The following ATP8B4 variants were observed in gnomAD, a reference collection of about 807,000 sequenced individuals.
The protein encoded by ATP8B4 is probable phospholipid-transporting ATPase IM.
Under a neutral mutation model 145.6 loss-of-function variants are expected in ATP8B4, and 133 were observed. That is an observed-to-expected ratio of 0.91 (90% CI 0.79 to 1.05). The LOEUF (loss-of-function observed/expected upper bound fraction) is 1.05, where lower values mean the gene tolerates loss of function less well. Ranked by LOEUF, ATP8B4 falls within the 50% of genes least tolerant of loss-of-function variation. ATP8B4 has a pLI of 0.00. For missense variants in ATP8B4, 1,458 were observed against 1,425.2 expected (o/e 1.02, Z -0.37); for synonymous variants, 507 against 492.9 (o/e 1.03, Z -0.38).
intron 24 of ATP8B4, among the ~76,000 whole-genome samples, chr15:49,878,387 C>T (rs7342629): frequency 0.36 from 54,824 of 151,958 alleles, 10,139 homozygotes; most frequent in Middle Eastern, 0.45. Context: ...ACTACAAAGC[C>T]AGCCAAATGG....
In ATP8B4 at chr15:49,861,422, GTGTC is replaced by G. The variant is rs959890334; in HGVS notation, c.3297+819_3297+822del. Reference sequence around the variant, plus strand: ...AAAAAATGTGTGTGTGTGTGTGTGTGTGTCTGTCTGTCTGTCTGTCTGTCTGTCT... The same window carrying G: ...AAAAAATGTGTGTGTGTGTGTGTGTGTGTCTGTCTGTCTGTCTGTCTGTCT... On this transcript the variant is annotated intron_variant, in intron 27 of 27. Transcript: ENST00000284509. Among the ~76,000 whole-genome samples the G allele has an allele frequency of 1.1e-3, 156 of 148,332 alleles. 1 individual carries two copies. The highest frequency in any genetic ancestry group is 4.8e-3 in the East Asian group (24 of 5,008).
chr15:50,129,966 A>AAAAG lies in ATP8B4; in HGVS notation c.-42-22962_-42-22959dup, dbSNP rs1194219856. ...TGACTCAAAAAAAAAAAAAAAAAAAAAAAGAAAGAAAAGAAAAGAAATTAC... is the reference window on the plus strand; with the variant it reads ...TGACTCAAAAAAAAAAAAAAAAAAAAAAAGAAAGAAAGAAAAGAAAAGAAATTAC... On this transcript the variant is annotated intron_variant, in intron 1 of 3. Transcript: ENST00000558829. 3.9e-3 allele frequency among the ~76,000 whole-genome samples: 516 copies of AAAAG among 133,394 alleles called. 6 individuals are homozygous for AAAAG. The highest frequency in any genetic ancestry group is 8.5e-3 in the East Asian group (35 of 4,114). The allele number at this position is 133,394 out of a possible 152,430, so 87.5% of individuals were successfully genotyped here.
intron 1 of ATP8B4, among the ~76,000 whole-genome samples, chr15:50,114,864 T>C (rs1368355053): frequency 1.3e-5 from 2 of 152,178 alleles, no homozygotes. Flanking sequence ...TCCTACCAAA[T>C]TTGAGAACCA....
At chr15:50,105,150 T>C (rs559348257) in intron 2 of ATP8B4, among the ~76,000 whole-genome samples, 6 of 151,228 alleles carry the variant, frequency 4.0e-5, no homozygotes, top group African/African-American at 1.5e-4. Context: ...TTGGGAACAG[T>C]GTATACTGCT....
In ATP8B4 at chr15:49,973,147, G is replaced by A. The variant is rs191021883; in HGVS notation, c.1035-357C>T. ...GGTCCCCAACCTTTTGGTCACCGGG[G>A]ACCAGTTTTGTGGAGGACGCTTTTC... On this transcript the variant is annotated intron_variant, in intron 12 of 27. Transcript: ENST00000284509. 4.0e-4 allele frequency among the ~76,000 whole-genome samples: 61 copies of A among 152,264 alleles called. No homozygotes were observed. The East Asian group carries it at 0.011, about 27-fold the overall frequency.
At chr15:50,122,767 T>G (rs1033256023), upstream of ATP8B4, among the ~76,000 whole-genome samples, 2 of 151,560 alleles carry the variant, frequency 1.3e-5, no homozygotes, top group African/African-American at 4.9e-5. Context: ...CCCACTTGAA[T>G]CTCCTAAAGT....
intron 1 of ATP8B4, among the ~76,000 whole-genome samples, chr15:50,166,315 T>C (rs966459680): frequency 6.6e-6 from 1 of 152,188 alleles, no homozygotes; most frequent in Non-Finnish European, 1.5e-5. Flanking sequence ...AGACAAAAAT[T>C]TGAATCTCCA....
intron 23 of ATP8B4, among the ~76,000 whole-genome samples, chr15:49,892,817 T>C (rs2036976549): frequency 6.6e-6 from 1 of 152,178 alleles, no homozygotes; most frequent in Non-Finnish European, 1.5e-5. Flanking sequence ...AACATTCCCA[T>C]AAAGCTAGGG....
chr15:49,873,128 T>C (rs1430920754), intron 25 of ATP8B4, among the ~76,000 whole-genome samples: 2 of 152,212 alleles, frequency 1.3e-5, no homozygotes, highest in Admixed American at 6.5e-5. Flanking sequence ...TATAAAATAA[T>C]TCAAAGTAAT....
At chr15:50,096,238 GTT>G (rs1364535042) in intron 2 of ATP8B4, among the ~76,000 whole-genome samples, 2 of 152,156 alleles carry the variant, frequency 1.3e-5, no homozygotes, top group Admixed American at 6.6e-5. Flanking sequence ...GAAAAAAAGA[GTT>G]TTTGTGGAGA....
chr15:50,084,349 T>C (rs1385098468), intron 2 of ATP8B4, among the ~76,000 whole-genome samples: 2 of 152,078 alleles, frequency 1.3e-5, no homozygotes, highest in African/African-American at 4.8e-5. Context: ...TAAAAAGAGA[T>C]ACAAGGGGGC....
At chr15:50,038,948 G>A (rs2051053389) in intron 5 of ATP8B4, 119 bp from the exon 6 acceptor site, 15 of 820,210 alleles carry the variant, frequency 1.8e-5, no homozygotes, top group Non-Finnish European at 2.6e-5. Flanking sequence ...GGTCTAAGAT[G>A]ACACTGTTTG....
chr15:50,044,589 C>T lies in ATP8B4; in HGVS notation c.300+5G>A. On this transcript the variant is annotated splice_donor_5th_base_variant and intron_variant, in intron 5 of 27. Transcript: ENST00000284509. ...CCTCAAGAATGCTCAAGAGCAAATACTCACATAGTCATCTGTGGCATCTTT... is the reference window on the plus strand; with the variant it reads ...CCTCAAGAATGCTCAAGAGCAAATATTCACATAGTCATCTGTGGCATCTTT... The T allele has an allele frequency of 1.3e-6, 2 of 1,593,504 alleles. No homozygotes were observed. The highest frequency in any genetic ancestry group is 1.7e-6 in the Non-Finnish European group (2 of 1,162,602).
intron 11 of ATP8B4, 113 bp downstream of exon 11, chr15:49,981,093 C>T (rs1424859820): frequency 2.1e-5 from 19 of 894,816 alleles, no homozygotes; most frequent in Non-Finnish European, 3.2e-5. Flanking sequence ...TGCAAAATCC[C>T]CAAAAACAAA....
At chr15:49,987,824 GA>G (rs67576856) in intron 9 of ATP8B4, among the ~76,000 whole-genome samples, 52,635 of 150,512 alleles carry the variant, frequency 0.35, 11,444 homozygotes, top group African/African-American at 0.63. Flanking sequence ...CCTTAAAAAA[GA>G]AAAAAAAAGC....
intron 3 of ATP8B4, among the ~76,000 whole-genome samples, chr15:50,066,892 A>C (rs182705184): frequency 9.6e-4 from 146 of 152,164 alleles, no homozygotes; most frequent in African/African-American, 3.5e-3. Context: ...CCTTCTATTA[A>C]AGATGTTTTC....
At chr15:50,024,343 T>A (rs982732141) in intron 6 of ATP8B4, among the ~76,000 whole-genome samples, 1 of 152,200 alleles carries the variant, frequency 6.6e-6, no homozygotes, top group African/African-American at 2.4e-5. Context: ...TTTTCACATT[T>A]TGAAACTATT....
Position 49,860,468 on chromosome 15 carries a change from C to T in ATP8B4, c.3305G>A (p.Arg1102Gln), listed in dbSNP as rs746086865. ...LYPTLSDQIR[R>Q]WQKAQKKARP... The stretch of plus-strand genomic sequence containing the variant: ...TGCCTTCTTTTGAGCCTTCTGCCAC[C>T]GGCGGATCTGGAGAGAAACAGACCC... The change falls in exon 28 of 28, where the codon CGG (arginine) becomes CAG (glutamine). Residue 1102 changes from arginine to glutamine, a missense_variant. Physicochemically the swap from Arg to Gln is conservative, Grantham distance 43. Coordinates refer to ENST00000284509, the MANE Select transcript of ATP8B4 (RefSeq NM_024837.4). 5.0e-5 allele frequency: 81 copies of T among 1,609,130 alleles called. No individual in the cohort carries two copies. Among genetic ancestry groups the T allele is most frequent in the South Asian group, 5.0e-4 (45 of 90,390 alleles).
intron 2 of ATP8B4, among the ~76,000 whole-genome samples, chr15:50,106,631 A>T (rs1002695769): frequency 6.6e-6 from 1 of 152,214 alleles, no homozygotes; most frequent in Non-Finnish European, 1.5e-5. Context: ...ATACTGTATG[A>T]TTTCATTTAT....
Sources: allele counts gnomAD v4.1 joint callset (sites outside exome capture counted in the v4.1 genomes callset), GRCh38; gene constraint gnomAD v4.1.1; transcripts MANE v1.5; gene names NCBI Gene and HGNC (gene_info 2026-07-23, HGNC 2026-07-21).